Variants in ADGRL3 observed in about 807,000 individuals in gnomAD.
The protein encoded by ADGRL3 is adhesion G protein-coupled receptor L3.
In ADGRL3, 62 loss-of-function variants were observed where a neutral mutation model predicts 153.5. The ratio of observed to expected loss-of-function variants is 0.40; its 90% confidence interval spans 0.33 to 0.50. The LOEUF is 0.50. ADGRL3 is among the 20% of genes least tolerant of loss of function. The probability of loss-of-function intolerance (pLI) is 0.47; values close to 1 mark genes in which losing one functional copy is unlikely to be tolerated. For missense variants in ADGRL3, 1,641 were observed against 1,859.4 expected, an observed-to-expected ratio of 0.88 and a Z score of 2.16; for synonymous variants, 710 against 672.5, an observed-to-expected ratio of 1.06 and a Z score of -0.86.
chr4:61,358,774 G>A (rs115340213), intron 1 of ADGRL3, among the ~76,000 whole-genome samples: 1,622 of 152,046 alleles, frequency 0.011, 30 homozygotes, highest in African/African-American at 0.038. Context: ...CCAAATCTCC[G>A]TCTTGGGTTT....
chr4:61,813,711 T>C lies in ADGRL3; in HGVS notation c.1400-98T>C, dbSNP rs868364363. ...CTACTCTTTAATTTAGGCTATTAATTCAGTTTGGAGTGAAATAGTGTTATA... is the reference window on the plus strand; with the variant it reads ...CTACTCTTTAATTTAGGCTATTAATCCAGTTTGGAGTGAAATAGTGTTATA... On this transcript the variant is annotated intron_variant, in intron 8 of 26. Transcript: ENST00000683033. The C allele has an allele frequency of 2.9e-6, 4 of 1,390,250 alleles. No individual in the cohort carries two copies. The Middle Eastern group carries it at 7.3e-4, about 254-fold the overall frequency. 86.1% of individuals were successfully genotyped at this position (1,390,250 alleles called of 1,614,324 possible). A position where few individuals can be genotyped will look rare whatever the true frequency, so the allele number is the denominator to read the frequency against.
At chr4:61,813,173 T>G (rs1003440589) in intron 8 of ADGRL3, among the ~76,000 whole-genome samples, 2 of 152,044 alleles carry the variant, frequency 1.3e-5, no homozygotes, top group Non-Finnish European at 2.9e-5. Context: ...GGCGAGTGGA[T>G]CACGAGGTCA....
At chr4:61,543,832 AAAGT>A (rs2098701759) in intron 4 of ADGRL3, among the ~76,000 whole-genome samples, 1 of 152,160 alleles carries the variant, frequency 6.6e-6, no homozygotes, top group Admixed American at 6.5e-5. Context: ...GTATTGCTAT[AAAGT>A]TTGTTCAGTG....
At chr4:61,306,416 G>A (rs1024259979) in intron 1 of ADGRL3, among the ~76,000 whole-genome samples, 2 of 152,212 alleles carry the variant, frequency 1.3e-5, no homozygotes, top group African/African-American at 4.8e-5. Flanking sequence ...CTAACTGTGG[G>A]CTTCCTGTTT....
At chr4:61,304,003 C>G (rs1045518863) in intron 1 of ADGRL3, among the ~76,000 whole-genome samples, 1 of 152,102 alleles carries the variant, frequency 6.6e-6, no homozygotes, top group African/African-American at 2.4e-5. Flanking sequence ...CTTGTTTTTT[C>G]AAGGGTGTGA....
intron 6 of ADGRL3, among the ~76,000 whole-genome samples, chr4:61,719,487 T>G (rs2096194510): frequency 6.6e-6 from 1 of 152,172 alleles, no homozygotes; most frequent in South Asian, 2.1e-4. Context: ...ACATGATTAA[T>G]AAAACATGAT....
intron 1 of ADGRL3, among the ~76,000 whole-genome samples, chr4:61,210,832 G>A (rs1358951787): frequency 2.6e-5 from 4 of 152,126 alleles, no homozygotes; most frequent in African/African-American, 9.7e-5. Context: ...CAAGGCATGT[G>A]TGTATCTATA....
intron 2 of ADGRL3, among the ~76,000 whole-genome samples, chr4:61,462,126 T>C (rs934082243): frequency 1.3e-5 from 2 of 152,154 alleles, no homozygotes; most frequent in Non-Finnish European, 2.9e-5. Context: ...ACTGAATGCA[T>C]AAATGGAGAC....
At chr4:61,938,386 C>A (rs928677094) in intron 15 of ADGRL3, among the ~76,000 whole-genome samples, 1 of 152,108 alleles carries the variant, frequency 6.6e-6, no homozygotes. Context: ...TTGCTCAGTA[C>A]TGTATTAACA....
intron 4 of ADGRL3, among the ~76,000 whole-genome samples, chr4:61,571,344 TAAAATAAAATA>T (rs2098837839): frequency 6.7e-6 from 1 of 150,198 alleles, no homozygotes; most frequent in Admixed American, 6.6e-5. Flanking sequence ...TAAAATAAAA[TAAAATAAAATA>T]AAATAAAATT....
intron 9 of ADGRL3, among the ~76,000 whole-genome samples, chr4:61,884,998 C>T (rs1581292172): frequency 1.3e-5 from 2 of 151,268 alleles, no homozygotes; most frequent in South Asian, 4.2e-4. Flanking sequence ...ACAGCCTGGC[C>T]GGGCACTGTG....
intron 8 of ADGRL3, among the ~76,000 whole-genome samples, chr4:61,754,344 G>T (rs2096794190): frequency 1.3e-5 from 2 of 151,938 alleles, no homozygotes; most frequent in Admixed American, 6.6e-5. Flanking sequence ...ATCAGGCAGA[G>T]AAAACAAATA....
intron 9 of ADGRL3, among the ~76,000 whole-genome samples, chr4:61,844,339 G>C (rs1197956292): frequency 6.6e-6 from 1 of 151,008 alleles, no homozygotes; most frequent in Non-Finnish European, 1.5e-5. Context: ...CCTGAGATCA[G>C]AAGTTCCAGA....
chr4:61,631,218 A>T (rs2150022726), intron 5 of ADGRL3, among the ~76,000 whole-genome samples: 1 of 152,324 alleles, frequency 6.6e-6, no homozygotes, highest in South Asian at 2.1e-4. Flanking sequence ...CTTCACCTAG[A>T]TCAGCACTTT....
intron 6 of ADGRL3, among the ~76,000 whole-genome samples, chr4:61,723,520 G>T (rs2096275396): frequency 1.3e-5 from 2 of 152,168 alleles, no homozygotes. Flanking sequence ...GGAGGAGGCG[G>T]TGTCTGATTT....
chr4:61,494,151 A>G (rs913892635), intron 2 of ADGRL3, among the ~76,000 whole-genome samples: 2 of 151,934 alleles, frequency 1.3e-5, no homozygotes, highest in Non-Finnish European at 2.9e-5. Context: ...ATTTTCTATA[A>G]AATCTACTGT....
chr4:61,335,587 G>A (rs1445627833), intron 1 of ADGRL3, among the ~76,000 whole-genome samples: 1 of 152,086 alleles, frequency 6.6e-6, no homozygotes, highest in Non-Finnish European at 1.5e-5. Context: ...TTTTTACTTA[G>A]AGCAATTTAG....
chr4:61,487,088 A>C (rs574378805), intron 2 of ADGRL3, among the ~76,000 whole-genome samples: 15 of 152,334 alleles, frequency 9.8e-5, no homozygotes, highest in African/African-American at 3.6e-4. Context: ...CTACAAGTTA[A>C]AGACTAATCA....
At chr4:61,463,440 T>C (rs2097846483) in intron 2 of ADGRL3, among the ~76,000 whole-genome samples, 1 of 152,028 alleles carries the variant, frequency 6.6e-6, no homozygotes, top group East Asian at 1.9e-4. Context: ...TGCAGACTTT[T>C]AACAACCAGA....
Sources: gnomAD v4.1 joint callset for allele counts (sites outside exome capture counted in the v4.1 genomes callset) on GRCh38, gnomAD v4.1.1 for gene constraint, MANE v1.5 for transcripts, NCBI Gene and HGNC (gene_info 2026-07-23, HGNC 2026-07-21) for gene names.